ATXN7: variants seen among roughly 807,000 people sequenced by gnomAD.
ATXN7 encodes the protein ataxin-7.
ATXN7 carries 12 observed loss-of-function variants against 70.5 expected under a neutral mutation model. That is an observed-to-expected ratio of 0.17 (90% CI 0.11 to 0.28). The LOEUF is 0.28. Among genes scored for constraint, ATXN7 ranks in the 10% least tolerant of loss-of-function variants. The pLI is 1.00. For missense variants in ATXN7, 1,256 were observed against 1,131.7 expected (o/e 1.11, Z -1.58); for synonymous variants, 498 against 448.7 (o/e 1.11, Z -1.39).
intron 4 of ATXN7, among the ~76,000 whole-genome samples, chr3:63,947,254 A>G (rs1013102791): frequency 1.3e-5 from 2 of 152,174 alleles, no homozygotes; most frequent in Non-Finnish European, 2.9e-5. Flanking sequence ...TGAAGTACCC[A>G]GTGAAGTAGG....
rs1034299413 is a variant in ATXN7 at position 63,912,642 on chromosome 3, G to C, written c.44G>C (p.Arg15Pro). 2.9e-5 allele frequency: 30 copies of C among 1,045,446 alleles called. No individual in the cohort carries two copies. In the African/African-American group the frequency reaches 4.9e-4, roughly 17 times the overall value. 64.8% of individuals were successfully genotyped at this position (1,045,446 alleles called of 1,614,324 possible). Residue 15 changes from arginine (R) to proline (P), a missense_variant, in exon 3 of 13, where the codon CGC (arginine) becomes CCC (proline). Arg to Pro is a moderately radical substitution (Grantham distance 103). Transcript: ENST00000674280. ...GATGACGTCAGGGGGGAGCCGCGCC[G>C]CGCGGCGGCGGCGGCGGGCGGAGCA... ...AADDVRGEPR[R>P]AAAAAGGAAA...
intron 8 of ATXN7, among the ~76,000 whole-genome samples, chr3:63,986,639 C>A (rs763282476): frequency 1.3e-5 from 2 of 152,148 alleles, no homozygotes; most frequent in Non-Finnish European, 2.9e-5. Flanking sequence ...AACAAAGTTC[C>A]TGGTCTTTAG....
intron 1 of ATXN7, chr3:63,866,738 G>A (rs540437704): frequency 3.3e-5 from 5 of 152,276 alleles, no homozygotes; most frequent in African/African-American, 1.2e-4. Context: ...ACATCTTTTA[G>A]TAAACTTTAC....
intron 4 of ATXN7, among the ~76,000 whole-genome samples, chr3:63,943,683 C>CA (rs1366446599): frequency 6.6e-6 from 1 of 152,142 alleles, no homozygotes; most frequent in Non-Finnish European, 1.5e-5. Context: ...TTGAGTTCTT[C>CA]TATTCTGTGC....
rs1014621620 is a variant in ATXN7, at chr3:64,001,938, C to A, written c.*2471C>A. ...GACAGACTTTGGTATCAATTTAAAACCAAGATAATTTTTATATTCTTTCCA... is the reference window on the plus strand; with the variant it reads ...GACAGACTTTGGTATCAATTTAAAAACAAGATAATTTTTATATTCTTTCCA... On this transcript the variant is annotated 3_prime_UTR_variant, in exon 13 of 13. Coordinates refer to ENST00000674280, the MANE Select transcript of ATXN7 (RefSeq NM_001377405.1). The A allele has an allele frequency of 6.6e-6, 1 of 151,482 alleles. No individual in the cohort carries two copies. The highest frequency in any genetic ancestry group is 1.9e-4 in the East Asian group (1 of 5,158). The allele number at this position is 151,482 out of a possible 1,614,324, so 9.4% of individuals were successfully genotyped here.
intron 1 of ATXN7, among the ~76,000 whole-genome samples, chr3:63,870,612 A>G (rs1559615420): frequency 6.6e-6 from 1 of 152,024 alleles, no homozygotes; most frequent in Non-Finnish European, 1.5e-5. Flanking sequence ...CACCTTGCCC[A>G]TTTTTTTATA....
At chr3:63,933,551 A>G (rs1484430942) in intron 4 of ATXN7, among the ~76,000 whole-genome samples, 2 of 152,184 alleles carry the variant, frequency 1.3e-5, no homozygotes, top group African/African-American at 4.8e-5. Flanking sequence ...ACAGTCTCAA[A>G]AGCAAAAACT....
chr3:63,934,098 T>TA (rs771972025), intron 4 of ATXN7, among the ~76,000 whole-genome samples: 84 of 152,348 alleles, frequency 5.5e-4, no homozygotes, highest in Non-Finnish European at 9.3e-4. Context: ...CCTTTGCAGC[T>TA]AATTGCTGAC....
intron 1 of ATXN7, 30 bp from the exon 2 acceptor site, chr3:63,898,369 C>A (rs535660473): frequency 7.2e-5 from 11 of 152,298 alleles, no homozygotes; most frequent in African/African-American, 2.4e-4. Flanking sequence ...TCCACTGTTT[C>A]ATCCATTTGC....
Position 63,982,376 on chromosome 3 carries a change from C to T in ATXN7, c.943C>T (p.Pro315Ser), listed in dbSNP as rs948416375. Residue 315 changes from proline (P) to serine (S), a missense_variant, in exon 7 of 13, where the codon CCG becomes TCG. Transcript: ENST00000674280. Reference sequence around the variant, plus strand: ...TCTGAATGGCAAAGGGCTTCCTGCACCGCCCACTCTGGAAAAGAAACCTGA... The same window carrying T: ...TCTGAATGGCAAAGGGCTTCCTGCATCGCCCACTCTGGAAAAGAAACCTGA... The part of the protein sequence containing the change: ...QILNGKGLPA[P>S]PTLEKKPEDN... The T allele has an allele frequency of 2.5e-5, 40 of 1,613,840 alleles. 1 individual carries two copies. The Admixed American group carries it at 5.8e-4, about 24-fold the overall frequency.
At chr3:63,952,338 A>G in intron 4 of ATXN7, 41 bp from the exon 5 acceptor site, 1 of 1,505,130 alleles carries the variant, frequency 6.6e-7, no homozygotes, top group East Asian at 2.3e-5. Context: ...TATATCAGTC[A>G]GAACCAGATG....
intron 1 of ATXN7, chr3:63,878,475 G>C (rs1335607863): frequency 6.6e-6 from 1 of 152,186 alleles, no homozygotes; most frequent in African/African-American, 2.4e-5. Context: ...TTGGTGTGAA[G>C]GAATTAATTT....
chr3:63,910,552 G>T lies in ATXN7; in HGVS notation c.-11-2036G>T, dbSNP rs533875269. Among the ~76,000 whole-genome samples, 4 of 152,216 alleles carry T rather than the reference G, an allele frequency of 2.6e-5. No homozygotes were observed. In the East Asian group the frequency reaches 7.7e-4, roughly 29 times the overall value. Reference sequence around the variant, plus strand: ...ATGAAAAATTGAAAATCTGCATAGGGGTCATCTAAGCTATGTTAAAAGTTA... The same window carrying T: ...ATGAAAAATTGAAAATCTGCATAGGTGTCATCTAAGCTATGTTAAAAGTTA... On this transcript the variant is annotated intron_variant, in intron 2 of 12. Transcript: ENST00000674280.
chr3:63,998,460 T>G (rs1488289375), intron 12 of ATXN7: 14 of 985,270 alleles, frequency 1.4e-5, no homozygotes, highest in Non-Finnish European at 6.0e-6. Flanking sequence ...GCTCATGACC[T>G]GCCATTTTGC....
intron 4 of ATXN7, among the ~76,000 whole-genome samples, chr3:63,926,159 C>T (rs1316029811): frequency 2.0e-5 from 3 of 152,122 alleles, no homozygotes; most frequent in Non-Finnish European, 2.9e-5. Context: ...TGCCTTTGTT[C>T]GTTCATACAA....
intron 1 of ATXN7, among the ~76,000 whole-genome samples, chr3:63,886,427 C>G (rs541834947): frequency 2.6e-4 from 39 of 152,176 alleles, no homozygotes; most frequent in Non-Finnish European, 4.1e-4. Flanking sequence ...GATGAGGTGA[C>G]AGATATGCTC....
At chr3:63,869,839 T>C (rs1215063056) in intron 1 of ATXN7, among the ~76,000 whole-genome samples, 1 of 152,228 alleles carries the variant, frequency 6.6e-6, no homozygotes, top group East Asian at 1.9e-4. Context: ...TTTCTTGTTA[T>C]GATAGGCAGG....
intron 4 of ATXN7, among the ~76,000 whole-genome samples, chr3:63,925,611 T>C (rs890916015): frequency 1.3e-5 from 2 of 152,148 alleles, no homozygotes; most frequent in African/African-American, 2.4e-5. Flanking sequence ...GTCATAAAGA[T>C]TGGGGACTGC....
intron 5 of ATXN7, among the ~76,000 whole-genome samples, chr3:63,959,068 A>G (rs2075081136): frequency 6.6e-6 from 1 of 152,244 alleles, no homozygotes; most frequent in South Asian, 2.1e-4. Flanking sequence ...TAGTAATTCA[A>G]AGATATAATG....
Sources: gnomAD v4.1 joint callset for allele counts (sites outside exome capture counted in the v4.1 genomes callset) on GRCh38, gnomAD v4.1.1 for gene constraint, MANE v1.5 for transcripts, NCBI Gene and HGNC (gene_info 2026-07-23, HGNC 2026-07-21) for gene names.